The following ZNF521 variants were observed in gnomAD, a reference collection of about 807,000 sequenced individuals.
ZNF521 encodes the protein zinc finger protein 521.
In ZNF521, 14 loss-of-function variants were observed where a neutral mutation model predicts 105.5. The ratio of observed to expected loss-of-function variants is 0.13; its 90% CI spans 0.09 to 0.21. The LOEUF (loss-of-function observed/expected upper bound fraction) is 0.21. ZNF521 is among the 10% of genes least tolerant of loss of function. The pLI, the probability that ZNF521 is intolerant of heterozygous loss-of-function variation, is 1.00. For missense variants in ZNF521, 1,233 were observed against 1,629.7 expected, an observed-to-expected ratio of 0.76 and a Z score of 4.19; for synonymous variants, 635 against 606.0, an observed-to-expected ratio of 1.05 and a Z score of -0.70.
chr18:25,085,866 A>T (rs2033612093), intron 7 of ZNF521, among the ~76,000 whole-genome samples: 1 of 152,098 alleles, frequency 6.6e-6, no homozygotes, highest in Admixed American at 6.5e-5. Flanking sequence ...TCATAAAATC[A>T]TTCATGTACA....
chr18:25,167,823 G>A (rs1456722570), intron 5 of ZNF521, among the ~76,000 whole-genome samples: 2 of 152,120 alleles, frequency 1.3e-5, no homozygotes, highest in Admixed American at 1.3e-4. Flanking sequence ...ATCACAGATT[G>A]CAGTGCTGTT....
intron 1 of ZNF521, chr18:25,351,786 G>C (rs929647249): frequency 1.8e-5 from 3 of 163,388 alleles, no homozygotes; most frequent in Non-Finnish European, 3.9e-5. Context: ...GGGTGTGCGG[G>C]GCCCGGGCTC....
intron 3 of ZNF521, among the ~76,000 whole-genome samples, chr18:25,312,656 CA>C (rs1175148905): frequency 9.9e-6 from 1 of 101,006 alleles, no homozygotes; most frequent in African/African-American, 3.8e-5. Context: ...ACTAAAAATA[CA>C]AAAATTAGCC....
chr18:25,142,067 T>C (rs752545084), intron 5 of ZNF521, among the ~76,000 whole-genome samples: 18 of 152,182 alleles, frequency 1.2e-4, no homozygotes, highest in Non-Finnish European at 1.8e-4. Context: ...CCTAAAGGGC[T>C]GTTTCCACCC....
chr18:25,105,855 A>G (rs2034061865), intron 5 of ZNF521, among the ~76,000 whole-genome samples: 1 of 152,224 alleles, frequency 6.6e-6, no homozygotes, highest in Non-Finnish European at 1.5e-5. Context: ...GAGATCATCC[A>G]TCTACTTGTG....
intron 3 of ZNF521, among the ~76,000 whole-genome samples, chr18:25,286,411 G>A (rs1910709295): frequency 6.6e-6 from 1 of 152,146 alleles, no homozygotes; most frequent in African/African-American, 2.4e-5. Context: ...GCACCAGCTT[G>A]CATAAAATGA....
At chr18:25,089,437 A>G (rs772951807) in intron 7 of ZNF521, 28 bp downstream of exon 7, 1 of 1,550,508 alleles carries the variant, frequency 6.4e-7, no homozygotes, top group Non-Finnish European at 8.9e-7. Flanking sequence ...ACTGAGTTCA[A>G]TCCCAGTCCT....
At chr18:25,200,066 C>T (rs1195614179) in intron 4 of ZNF521, among the ~76,000 whole-genome samples, 1 of 152,084 alleles carries the variant, frequency 6.6e-6, no homozygotes, top group Non-Finnish European at 1.5e-5. Flanking sequence ...TGGCTAAAGT[C>T]ATACAGGTAT....
Position 25,111,118 on chromosome 18 carries a change from C to T in ZNF521, c.3659-19037G>A, listed in dbSNP as rs181509628. ...ACTGCCTGCTAGTGTTCTATTTTCT[C>T]GACAAGCAGAAAAACGGTGCCCAGC... On this transcript the variant is annotated intron_variant, in intron 5 of 7. Coordinates refer to ENST00000361524, the MANE Select transcript of ZNF521 (RefSeq NM_015461.3). Among the ~76,000 whole-genome samples the T allele has an allele frequency of 2.8e-3, 427 of 152,054 alleles. 2 individuals carry two copies. Among genetic ancestry groups the T allele is most frequent in the African/African-American group, 9.7e-3 (401 of 41,478 alleles).
chr18:25,138,830 C>A (rs368193569), intron 5 of ZNF521, among the ~76,000 whole-genome samples: 2 of 152,040 alleles, frequency 1.3e-5, no homozygotes, highest in African/African-American at 2.4e-5. Context: ...AGGAGCCTGG[C>A]CTTGTGATTC....
intron 3 of ZNF521, among the ~76,000 whole-genome samples, chr18:25,299,336 T>C (rs536727810): frequency 3.3e-5 from 5 of 152,288 alleles, no homozygotes; most frequent in African/African-American, 1.2e-4. Context: ...CAGTGAGTGA[T>C]GTAAATGCGA....
chr18:25,323,045 G>C (rs969348253), intron 2 of ZNF521, among the ~76,000 whole-genome samples: 8 of 151,912 alleles, frequency 5.3e-5, no homozygotes, highest in African/African-American at 1.9e-4. Flanking sequence ...TTTTTGATTA[G>C]TTACGCTGTC....
At chr18:25,094,584 TA>T (rs113153509) in intron 5 of ZNF521, among the ~76,000 whole-genome samples, 12 of 151,552 alleles carry the variant, frequency 7.9e-5, no homozygotes, top group East Asian at 1.9e-4. Flanking sequence ...GTTATAATGT[TA>T]AAAAAAAAGT....
intron 3 of ZNF521, chr18:25,302,881 C>T (rs1019423214): frequency 6.6e-6 from 1 of 152,144 alleles, no homozygotes; most frequent in Non-Finnish European, 1.5e-5. Flanking sequence ...CTAAATAATA[C>T]ATGACATTAG....
At chr18:25,156,567 C>T (rs1018150781) in intron 5 of ZNF521, among the ~76,000 whole-genome samples, 2 of 152,122 alleles carry the variant, frequency 1.3e-5, no homozygotes, top group Non-Finnish European at 2.9e-5. Flanking sequence ...GAAATCTTGA[C>T]TTAAATTTTA....
At chr18:25,080,155 C>G (rs1422418828) in intron 7 of ZNF521, among the ~76,000 whole-genome samples, 1 of 152,184 alleles carries the variant, frequency 6.6e-6, no homozygotes, top group Non-Finnish European at 1.5e-5. Context: ...AAACTTGGCC[C>G]TCCTATGGGA....
intron 5 of ZNF521, among the ~76,000 whole-genome samples, chr18:25,093,173 T>C (rs8086428): frequency 0.036 from 5,513 of 152,196 alleles, 329 homozygotes; most frequent in African/African-American, 0.13. Flanking sequence ...CACTCATAAT[T>C]GGAAGAGCCA....
intron 3 of ZNF521, among the ~76,000 whole-genome samples, chr18:25,282,793 C>T (rs540372162): frequency 6.6e-6 from 1 of 151,998 alleles, no homozygotes; most frequent in East Asian, 1.9e-4. Flanking sequence ...GGGACACCTG[C>T]AAATAAGAAA....
intron 3 of ZNF521, among the ~76,000 whole-genome samples, chr18:25,238,146 C>T (rs928850308): frequency 9.9e-5 from 15 of 152,118 alleles, no homozygotes; most frequent in Admixed American, 2.0e-4. Flanking sequence ...GTCCATCCTT[C>T]CCAAACTCTC....
Sources: gnomAD v4.1 joint callset for allele counts (sites outside exome capture counted in the v4.1 genomes callset) on GRCh38, gnomAD v4.1.1 for gene constraint, MANE v1.5 for transcripts, NCBI Gene and HGNC (gene_info 2026-07-23, HGNC 2026-07-21) for gene names.